The following ATXN2 variants were observed in gnomAD, a reference collection of about 807,000 sequenced individuals.
ATXN2 encodes the protein ataxin 2.
A neutral mutation model predicts 138.6 loss-of-function variants in ATXN2; 37 were observed. That is an observed-to-expected ratio of 0.27 (90% confidence interval 0.21 to 0.35). ATXN2 has a LOEUF of 0.35. Among genes scored for constraint, ATXN2 ranks in the 10% least tolerant of loss-of-function variants. The pLI is 1.00. For missense variants in ATXN2, 1,216 were observed against 1,480.3 expected, an observed-to-expected ratio of 0.82 and a Z score of 2.93; for synonymous variants, 549 against 543.7, an observed-to-expected ratio of 1.01 and a Z score of -0.13.
chr12:111,596,698 A>T (rs1884957438), intron 1 of ATXN2, among the ~76,000 whole-genome samples: 1 of 152,244 alleles, frequency 6.6e-6, no homozygotes, highest in Non-Finnish European at 1.5e-5. Flanking sequence ...CCTATTCATC[A>T]GAAAGAATAA....
In ATXN2 at chr12:111,571,031, T is replaced by C. The variant is rs141108620; in HGVS notation, c.252-15112A>G. ...TGAGCACTTATTACTTGCCAGGCAT[T>C]GCTTTAAGCGTGTTACATGTTTAAT... is the stretch of plus-strand genomic sequence containing the variant. On this transcript the variant is annotated intron_variant, in intron 1 of 24. Transcript: ENST00000673436. Among the ~76,000 whole-genome samples the C allele has an allele frequency of 2.3e-4, 35 of 152,362 alleles. No individual in the cohort carries two copies. In the East Asian group the frequency reaches 4.8e-3, roughly 21 times the overall value.
chr12:111,535,150 A>T (rs1282750703), intron 5 of ATXN2, among the ~76,000 whole-genome samples: 4 of 152,130 alleles, frequency 2.6e-5, no homozygotes, highest in Non-Finnish European at 5.9e-5. Flanking sequence ...TACAAACATA[A>T]ATTAATTTAA....
chr12:111,494,574 T>C (rs955564803), intron 14 of ATXN2, among the ~76,000 whole-genome samples: 1 of 152,060 alleles, frequency 6.6e-6, no homozygotes, highest in Admixed American at 6.6e-5. Flanking sequence ...TACAGGCACG[T>C]GCCTCCACGC....
In ATXN2 at chr12:111,457,214, C is replaced by G; in HGVS notation, c.3042G>C (p.Gln1014His). Residue 1014 changes from glutamine to histidine, a missense_variant and splice_region_variant, in exon 22 of 25, where the codon CAG becomes CAC. Gln to His is a conservative substitution (Grantham distance 24, BLOSUM62 0). Coordinates refer to ENST00000673436, the MANE Select transcript of ATXN2 (RefSeq NM_001372574.1). ...GGSHPAPSPV[Q>H]HHQHQAAQAL... ...ATGCAGACCTCTGAGTTGCCCTTAC[C>G]TGAACAGGACTGGGTGCAGGATGAC... 1 of 1,611,540 alleles carries G rather than the reference C, an allele frequency of 6.2e-7. No individual in the cohort carries two copies. The highest frequency in any genetic ancestry group is 8.5e-7 in the Non-Finnish European group (1 of 1,178,922).
At chr12:111,558,665 C>T (rs1424281275) in intron 1 of ATXN2, among the ~76,000 whole-genome samples, 1 of 152,056 alleles carries the variant, frequency 6.6e-6, no homozygotes, top group Non-Finnish European at 1.5e-5. Flanking sequence ...GGCATGGTGG[C>T]ACACGCCTGT....
chr12:111,590,417 A>G (rs976585508), intron 1 of ATXN2, among the ~76,000 whole-genome samples: 1 of 152,056 alleles, frequency 6.6e-6, no homozygotes, highest in African/African-American at 2.4e-5. Context: ...GGCCGGACGC[A>G]GCAGCTCACG....
chr12:111,473,185 G>T (rs1489791799), intron 18 of ATXN2, among the ~76,000 whole-genome samples: 1 of 151,714 alleles, frequency 6.6e-6, no homozygotes, highest in African/African-American at 2.4e-5. Flanking sequence ...GAGGTGGGGG[G>T]ATTGCCTTAG....
At chr12:111,521,783 G>A (rs1162155227) in intron 6 of ATXN2, among the ~76,000 whole-genome samples, 1 of 152,056 alleles carries the variant, frequency 6.6e-6, no homozygotes, top group Non-Finnish European at 1.5e-5. Context: ...GGGAGCCAGG[G>A]GCAAGCAAGT....
At chr12:111,576,358 A>T (rs2135821735) in intron 1 of ATXN2, among the ~76,000 whole-genome samples, 1 of 151,482 alleles carries the variant, frequency 6.6e-6, no homozygotes, top group East Asian at 2.0e-4. Flanking sequence ...TCACCTGAAC[A>T]CAGGAGGCGG....
chr12:111,517,643 A>G (rs905030482), intron 9 of ATXN2, among the ~76,000 whole-genome samples: 1 of 152,144 alleles, frequency 6.6e-6, no homozygotes, highest in Non-Finnish European at 1.5e-5. Context: ...ATGTCTTCCT[A>G]CTAAAGATTC....
At position 111,516,269 on chromosome 12, in the gene ATXN2, G is replaced by A. The variant is rs769837684; in HGVS notation, c.1260C>T (p.Thr420=). 5 of 1,574,904 alleles carry A rather than the reference G, an allele frequency of 3.2e-6. No homozygotes were observed. Among genetic ancestry groups the A allele is most frequent in the Non-Finnish European group, 4.3e-6 (5 of 1,165,766 alleles). The change falls in exon 10 of 25, where the codon ACC becomes ACT. Residue 420 remains threonine (T), a synonymous_variant. Coordinates refer to ENST00000673436, the MANE Select transcript of ATXN2 (RefSeq NM_001372574.1). The surrounding 1 kb of genome is among the most constrained non-coding windows in gnomAD (Gnocchi z 5.0). ...GPNSLPPRAA[T]PTRPPSRPPS... Reference sequence around the variant, plus strand: ...GGGGCCTGGAGGGCGGCCGTGTAGGGGTGGCTGCCCGAGGTGGAAGAGAGT... The same window carrying A: ...GGGGCCTGGAGGGCGGCCGTGTAGGAGTGGCTGCCCGAGGTGGAAGAGAGT...
chr12:111,536,862 T>C (rs568211775), intron 5 of ATXN2, among the ~76,000 whole-genome samples: 4 of 150,032 alleles, frequency 2.7e-5, no homozygotes, highest in Admixed American at 2.0e-4. Context: ...CGGCTCACTG[T>C]AGCCTCGGCT....
intron 18 of ATXN2, among the ~76,000 whole-genome samples, chr12:111,474,016 G>A (rs952316899): frequency 2.6e-5 from 4 of 152,204 alleles, no homozygotes; most frequent in African/African-American, 9.7e-5. Context: ...AGTCAAGGCA[G>A]GCAGACTGCT....
intron 18 of ATXN2, among the ~76,000 whole-genome samples, chr12:111,480,135 G>C: frequency 6.6e-6 from 1 of 151,934 alleles, no homozygotes; most frequent in Admixed American, 6.6e-5. Flanking sequence ...GTTGGACAGA[G>C]AAGAGGAACA....
chr12:111,594,131 A>C (rs946508488), intron 1 of ATXN2, among the ~76,000 whole-genome samples: 2 of 152,180 alleles, frequency 1.3e-5, no homozygotes, highest in Non-Finnish European at 2.9e-5. Flanking sequence ...TTGTCTGCCT[A>C]GTCACATTAG....
At chr12:111,483,658 A>G (rs1877431660) in intron 18 of ATXN2, among the ~76,000 whole-genome samples, 1 of 151,936 alleles carries the variant, frequency 6.6e-6, no homozygotes, top group Non-Finnish European at 1.5e-5. Flanking sequence ...CACCTGGCCA[A>G]AAGATTTCCT....
intron 14 of ATXN2, among the ~76,000 whole-genome samples, chr12:111,494,593 G>C (rs1018690447): frequency 6.6e-6 from 1 of 151,702 alleles, no homozygotes; most frequent in African/African-American, 2.4e-5. Flanking sequence ...GCCTGGCTAA[G>C]TTTTGTATTT....
intron 20 of ATXN2, 72 bp from the exon 21 acceptor site, chr12:111,464,787 A>C: frequency 1.7e-6 from 2 of 1,174,238 alleles, no homozygotes; most frequent in Non-Finnish European, 2.5e-6. Flanking sequence ...GGAAAGGTTG[A>C]CATATTAGTA....
chr12:111,589,695 G>A (rs1259105795), intron 1 of ATXN2, among the ~76,000 whole-genome samples: 7 of 151,172 alleles, frequency 4.6e-5, no homozygotes, highest in African/African-American at 9.7e-5. Context: ...TCATTTGAAC[G>A]CAAGAGGCAG....
Sources: allele counts gnomAD v4.1 joint callset (sites outside exome capture counted in the v4.1 genomes callset), GRCh38; gene constraint gnomAD v4.1.1; non-coding constraint Gnocchi (gnomAD v3.1); transcripts MANE v1.5; gene names NCBI Gene and HGNC (gene_info 2026-07-23, HGNC 2026-07-21).